Variants in KIF5B observed in about 807,000 individuals in gnomAD.
The protein encoded by KIF5B is kinesin-1 heavy chain.
A neutral mutation model predicts 132.8 loss-of-function variants in KIF5B; 49 were observed. That is an observed-to-expected ratio of 0.37 (90% CI 0.29 to 0.47). KIF5B has a LOEUF of 0.47. KIF5B is among the 20% of genes least tolerant of loss of function. The pLI, the probability that KIF5B is intolerant of heterozygous loss-of-function variation, is 1.00. For synonymous variants in KIF5B, 355 were observed against 369.4 expected, an observed-to-expected ratio of 0.96 and a Z score of 0.45; for missense variants, 780 against 1,144.0, an observed-to-expected ratio of 0.68 and a Z score of 4.59.
At chr10:32,022,342 T>C in intron 16 of KIF5B, 85 bp from the exon 17 acceptor site, 1 of 671,300 alleles carries the variant, frequency 1.5e-6, no homozygotes, top group Non-Finnish European at 2.6e-6. Context: ...TCATTATCTA[T>C]ATATGATAAA....
intron 1 of KIF5B, 68 bp downstream of exon 1, chr10:32,055,780 T>C: frequency 1.3e-6 from 2 of 1,578,438 alleles, no homozygotes; most frequent in Non-Finnish European, 1.7e-6. Flanking sequence ...ACCCTGCCAC[T>C]TCCCTAAACT....
chr10:32,044,616 C>T (rs1841585815), intron 2 of KIF5B, among the ~76,000 whole-genome samples: 1 of 151,772 alleles, frequency 6.6e-6, no homozygotes, highest in Admixed American at 6.6e-5. Flanking sequence ...AGGTAGGTTA[C>T]AGTGAGCCAA....
chr10:32,039,679 A>C (rs1841506809), intron 3 of KIF5B, among the ~76,000 whole-genome samples: 1 of 152,168 alleles, frequency 6.6e-6, no homozygotes, highest in Non-Finnish European at 1.5e-5. Context: ...CATGCTTGTA[A>C]AATGTTCATT....
chr10:32,033,966 T>C lies in KIF5B; in HGVS notation c.1184A>G (p.Asp395Gly). 6.2e-7 allele frequency: 1 copy of C among 1,611,346 alleles called. No individual in the cohort carries two copies. The highest frequency in any genetic ancestry group is 1.1e-5 in the South Asian group (1 of 90,614). The change falls in exon 12 of 26, where the codon GAT (aspartate) becomes GGT (glycine). Residue 395 changes from aspartate (D) to glycine (G), a missense_variant. This residue lies in a region of KIF5B where 471 missense variants were observed against 569.9 expected (regional missense o/e 0.83). Transcript: ENST00000302418. Reference sequence around the variant, plus strand: ...TGGTTTATCATTGGTAAGAGTAATATCTTTATCCACTGTGAAAGCTTCCAA... The same window carrying C: ...TGGTTTATCATTGGTAAGAGTAATACCTTTATCCACTGTGAAAGCTTCCAA... ...ANLEAFTVDK[D>G]ITLTNDKPAT...
At position 32,031,284 on chromosome 10, in the gene KIF5B, A is replaced by C; in HGVS notation, c.1375-5T>G. Reference sequence around the variant, plus strand: ...CCTTCTGGTAGATGCCAAAAGCTATAGGACAGAAAATAATTTATTTTCCCC... The same window carrying C: ...CCTTCTGGTAGATGCCAAAAGCTATCGGACAGAAAATAATTTATTTTCCCC... On this transcript the variant is annotated splice_polypyrimidine_tract_variant and splice_region_variant and intron_variant, in intron 13 of 25. Transcript: ENST00000302418. 2 of 1,609,726 alleles carry C rather than the reference A, an allele frequency of 1.2e-6. No homozygotes were observed. Among genetic ancestry groups the C allele is most frequent in the Non-Finnish European group, 1.7e-6 (2 of 1,177,022 alleles).
intron 13 of KIF5B, among the ~76,000 whole-genome samples, chr10:32,031,867 C>G (rs1281257230): frequency 6.7e-6 from 1 of 148,634 alleles, no homozygotes; most frequent in African/African-American, 2.5e-5. Flanking sequence ...GGCGTGGTGG[C>G]GGGCGCCTGT....
rs1051013601 is a variant in KIF5B at position 32,010,036 on chromosome 10, C to T, written c.*1501G>A. The T allele has an allele frequency of 6.6e-6, 1 of 152,076 alleles. No homozygotes were observed. The highest frequency in any genetic ancestry group is 1.9e-4 in the East Asian group (1 of 5,194). 9.4% of individuals were successfully genotyped at this position (152,076 alleles called of 1,614,324 possible). ...AATAGAAAAATAAGCCAATTATGAT[C>T]TGAGTCTTCTGACTATGGCTCCAAA... On this transcript the variant is annotated 3_prime_UTR_variant, in exon 26 of 26. Transcript: ENST00000302418.
chr10:32,047,567 C>T (rs1035136089), intron 2 of KIF5B, among the ~76,000 whole-genome samples: 1 of 152,172 alleles, frequency 6.6e-6, no homozygotes, highest in African/African-American at 2.4e-5. Flanking sequence ...TCCATGATGA[C>T]TTTGCTCCCT....
chr10:32,009,181 C>T lies in KIF5B; in HGVS notation c.*2356G>A, dbSNP rs1023084697. On this transcript the variant is annotated 3_prime_UTR_variant, in exon 26 of 26. Coordinates refer to ENST00000302418, the MANE Select transcript of KIF5B (RefSeq NM_004521.3). ...GTAGACTCAGACTCTCTTCTGTCAC[C>T]TCATGTCAAATGGAGTTAAGCACAA... is the stretch of plus-strand genomic sequence containing the variant. 2.0e-5 allele frequency: 3 copies of T among 152,162 alleles called. No homozygotes were observed. The highest frequency in any genetic ancestry group is 6.5e-5 in the Admixed American group (1 of 15,280). The allele number at this position is 152,162 out of a possible 1,614,324, so 9.4% of individuals were successfully genotyped here. A position where few individuals can be genotyped will look rare whatever the true frequency, so the allele number is the denominator to read the frequency against.
rs890835987 is a variant in KIF5B, at chr10:32,011,373, T to A, written c.*164A>T. ...CAGCAGAGTTTACAAGAAGAGTAGG[T>A]AGGAAACAGCTGTACAGGCCAGGTA... On this transcript the variant is annotated 3_prime_UTR_variant, in exon 26 of 26. Transcript: ENST00000302418. 1 of 152,546 alleles carries A rather than the reference T, an allele frequency of 6.6e-6. No individual in the cohort carries two copies. Among genetic ancestry groups the A allele is most frequent in the Admixed American group, 6.5e-5 (1 of 15,272 alleles). The allele number at this position is 152,546 out of a possible 1,614,324, so 9.4% of individuals were successfully genotyped here.
At chr10:32,047,599 A>C (rs991531969) in intron 2 of KIF5B, among the ~76,000 whole-genome samples, 3 of 152,178 alleles carry the variant, frequency 2.0e-5, no homozygotes, top group African/African-American at 7.2e-5. Context: ...TATGAAATTG[A>C]TATAATGAGT....
intron 23 of KIF5B, among the ~76,000 whole-genome samples, chr10:32,017,679 G>A (rs773512683): frequency 6.6e-6 from 1 of 152,086 alleles, no homozygotes; most frequent in Non-Finnish European, 1.5e-5. Flanking sequence ...TGAAAACTGC[G>A]TCATTATGTC....
intron 17 of KIF5B, 42 bp downstream of exon 17, chr10:32,022,098 A>AT (rs772413360): frequency 7.4e-6 from 7 of 948,924 alleles, no homozygotes; most frequent in Non-Finnish European, 1.1e-5. Context: ...TTATACTAAA[A>AT]TAAGAACACA....
intron 2 of KIF5B, among the ~76,000 whole-genome samples, chr10:32,045,140 C>CT (rs1190953708): frequency 6.6e-6 from 1 of 152,042 alleles, no homozygotes; most frequent in African/African-American, 2.4e-5. Context: ...TTGAAAAACT[C>CT]TGAGTATCAG....
Position 32,021,782 on chromosome 10 carries a change from G to C in KIF5B, c.2032+358C>G, listed in dbSNP as rs913727185. On this transcript the variant is annotated intron_variant, in intron 17 of 25. Transcript: ENST00000302418. Reference sequence around the variant, plus strand: ...GGTCAGGAGATCAAGACCATCCTGCGTAACACGGTGAAGCCCTGTCTCTAC... The same window carrying C: ...GGTCAGGAGATCAAGACCATCCTGCCTAACACGGTGAAGCCCTGTCTCTAC... Among the ~76,000 whole-genome samples the C allele has an allele frequency of 2.6e-5, 4 of 152,156 alleles. No individual in the cohort carries two copies. In the South Asian group the frequency reaches 8.3e-4, roughly 32 times the overall value.
chr10:32,053,821 G>A (rs1054833857), intron 1 of KIF5B, among the ~76,000 whole-genome samples: 5 of 151,722 alleles, frequency 3.3e-5, no homozygotes, highest in South Asian at 2.1e-4. Context: ...TGTTCATTAC[G>A]GATTCACAAA....
At chr10:32,052,172 T>TA (rs1202998176) in intron 1 of KIF5B, among the ~76,000 whole-genome samples, 1 of 152,230 alleles carries the variant, frequency 6.6e-6, no homozygotes, top group Non-Finnish European at 1.5e-5. Context: ...CTGGCAGGGA[T>TA]ATGTCTTTCT....
chr10:32,046,125 T>G (rs954747654), intron 2 of KIF5B, among the ~76,000 whole-genome samples: 15 of 151,920 alleles, frequency 9.9e-5, no homozygotes, highest in African/African-American at 3.6e-4. Context: ...ACTTTAAAGG[T>G]TTGCTCTCCA....
At position 32,056,382 on chromosome 10, in the gene KIF5B, G is replaced by C. The variant is rs772568643; in HGVS notation, c.-409C>G. 1 of 222,986 alleles carries C rather than the reference G, an allele frequency of 4.5e-6. No homozygotes were observed. Among genetic ancestry groups the C allele is most frequent in the Non-Finnish European group, 9.0e-6 (1 of 111,166 alleles). 13.8% of individuals were successfully genotyped at this position (222,986 alleles called of 1,614,324 possible). Reference sequence around the variant, plus strand: ...CCGCCCGCTCTGCCGTCCGCTGGCCGGCCGACTGCTGCCCGATCACTCCTG... The same window carrying C: ...CCGCCCGCTCTGCCGTCCGCTGGCCCGCCGACTGCTGCCCGATCACTCCTG... On this transcript the variant is annotated 5_prime_UTR_variant, in exon 1 of 26. Coordinates refer to ENST00000302418, the MANE Select transcript of KIF5B (RefSeq NM_004521.3).
Sources: allele counts gnomAD v4.1 joint callset (sites outside exome capture counted in the v4.1 genomes callset), GRCh38; gene constraint gnomAD v4.1.1; regional missense constraint gnomAD v4.1.1; transcripts MANE v1.5; gene names NCBI Gene and HGNC (gene_info 2026-07-23, HGNC 2026-07-21).